The following ARHGAP12 variants were observed in gnomAD, a reference collection of about 807,000 sequenced individuals.
ARHGAP12 encodes the protein rho GTPase-activating protein 12.
Under a neutral mutation model 108.6 loss-of-function variants are expected in ARHGAP12, and 64 were observed. The observed-to-expected ratio is 0.59, with a 90% CI of 0.48 to 0.73. ARHGAP12 has a LOEUF of 0.73. Among genes scored for constraint, ARHGAP12 ranks in the 30% least tolerant of loss-of-function variants. ARHGAP12 has a pLI of 0.00. For synonymous variants in ARHGAP12, 312 were observed against 337.2 expected (o/e 0.93, Z 0.82); for missense variants, 940 against 1,005.9 (o/e 0.93, Z 0.89).
At chr10:31,868,754 C>T (rs898699681) in intron 3 of ARHGAP12, among the ~76,000 whole-genome samples, 3 of 151,752 alleles carry the variant, frequency 2.0e-5, no homozygotes, top group Non-Finnish European at 2.9e-5. Flanking sequence ...TGGGCAACAC[C>T]GAGACCCTGT....
chr10:31,879,717 A>G (rs1280247947), intron 3 of ARHGAP12, among the ~76,000 whole-genome samples: 1 of 152,204 alleles, frequency 6.6e-6, no homozygotes, highest in Non-Finnish European at 1.5e-5. Flanking sequence ...AAAAAAAGAC[A>G]ATACTATATA....
intron 3 of ARHGAP12, among the ~76,000 whole-genome samples, chr10:31,888,411 AAT>A: frequency 6.6e-6 from 1 of 152,360 alleles, no homozygotes; most frequent in African/African-American, 2.4e-5. Context: ...GGAAAGAAAA[AAT>A]AGATACTCTA....
chr10:31,870,079 T>C (rs1365432142), intron 3 of ARHGAP12, among the ~76,000 whole-genome samples: 1 of 152,176 alleles, frequency 6.6e-6, no homozygotes, highest in Non-Finnish European at 1.5e-5. Context: ...AAAAAAACAT[T>C]TACCACAAAT....
chr10:31,889,618 CGTTTTT>C (rs1838332436), intron 3 of ARHGAP12, among the ~76,000 whole-genome samples: 1 of 101,534 alleles, frequency 9.8e-6, no homozygotes, highest in African/African-American at 3.7e-5. Flanking sequence ...TAATTTTTCT[CGTTTTT>C]TTTTTTTTTT....
At chr10:31,830,184 G>GCT (rs1835780632) in intron 10 of ARHGAP12, among the ~76,000 whole-genome samples, 1 of 152,004 alleles carries the variant, frequency 6.6e-6, no homozygotes, top group Admixed American at 6.5e-5. Flanking sequence ...TAAGGTTATA[G>GCT]AGAGTAGACC....
intron 14 of ARHGAP12, among the ~76,000 whole-genome samples, 160 bp downstream of exon 14, chr10:31,814,099 G>C (rs1038154275): frequency 6.6e-6 from 1 of 152,154 alleles, no homozygotes; most frequent in Non-Finnish European, 1.5e-5. Flanking sequence ...GAGTTAACAA[G>C]AAGAAAGAGC....
At chr10:31,861,293 A>G in intron 4 of ARHGAP12, 102 bp downstream of exon 4, 1 of 1,369,350 alleles carries the variant, frequency 7.3e-7, no homozygotes. Flanking sequence ...CACGTGTTTT[A>G]ACATGCTGAC....
At chr10:31,829,291 C>CA (rs1465692589) in intron 10 of ARHGAP12, among the ~76,000 whole-genome samples, 2 of 152,014 alleles carry the variant, frequency 1.3e-5, no homozygotes, top group Non-Finnish European at 1.5e-5. Context: ...CTAAGGTAGT[C>CA]AAAATCACAG....
chr10:31,923,288 A>G (rs573894827), intron 1 of ARHGAP12, among the ~76,000 whole-genome samples: 1 of 152,332 alleles, frequency 6.6e-6, no homozygotes, highest in South Asian at 2.1e-4. Flanking sequence ...CACACATCTC[A>G]CAGAATGGCT....
intron 1 of ARHGAP12, among the ~76,000 whole-genome samples, chr10:31,927,593 C>A (rs548868794): frequency 6.6e-6 from 1 of 152,200 alleles, no homozygotes; most frequent in Non-Finnish European, 1.5e-5. Flanking sequence ...CCAGCCACAA[C>A]CAATCGTGTT....
intron 1 of ARHGAP12, among the ~76,000 whole-genome samples, chr10:31,925,501 C>T (rs1395281880): frequency 1.3e-5 from 2 of 152,198 alleles, no homozygotes; most frequent in African/African-American, 4.8e-5. Context: ...TGACACATAA[C>T]AATTTCCACA....
chr10:31,893,355 T>C (rs183683553), intron 3 of ARHGAP12, among the ~76,000 whole-genome samples: 1 of 152,134 alleles, frequency 6.6e-6, no homozygotes, highest in Admixed American at 6.5e-5. Flanking sequence ...CTAGCAAGAC[T>C]AATGAAGAAC....
rs949678691 is a variant in ARHGAP12, at chr10:31,897,549, T to C, written c.684+10623A>G. 5.3e-5 allele frequency among the ~76,000 whole-genome samples: 8 copies of C among 152,186 alleles called. No individual in the cohort carries two copies. In the East Asian group the frequency reaches 1.4e-3, roughly 26 times the overall value. ...AAATCTTAGATACTTAGTATCTAAG[T>C]AGATACTAAGGAAAATCTCTTAGAG... On this transcript the variant is annotated intron_variant, in intron 3 of 19. Coordinates refer to ENST00000344936, the MANE Select transcript of ARHGAP12 (RefSeq NM_018287.7).
intron 6 of ARHGAP12, among the ~76,000 whole-genome samples, chr10:31,851,128 C>A (rs1036172848): frequency 3.9e-5 from 6 of 152,018 alleles, no homozygotes; most frequent in African/African-American, 1.4e-4. Context: ...TAAAAATTAT[C>A]TTCACTAATA....
At chr10:31,842,699 G>A (rs1222962319) in intron 7 of ARHGAP12, among the ~76,000 whole-genome samples, 2 of 151,960 alleles carry the variant, frequency 1.3e-5, no homozygotes, top group Admixed American at 6.5e-5. Flanking sequence ...CTGTTTTCAT[G>A]AACACACCTA....
At chr10:31,821,922 A>G (rs1835431065) in intron 11 of ARHGAP12, among the ~76,000 whole-genome samples, 1 of 152,232 alleles carries the variant, frequency 6.6e-6, no homozygotes, top group East Asian at 1.9e-4. Context: ...AAATGTTACC[A>G]AACTTGAACA....
chr10:31,923,142 A>AAAAC lies in ARHGAP12; in HGVS notation c.-111+5540_-111+5541insGTTT, dbSNP rs1554792922. Among the ~76,000 whole-genome samples, 8 of 151,768 alleles carry AAAAC rather than the reference A, an allele frequency of 5.3e-5. No individual in the cohort carries two copies. In the South Asian group the frequency reaches 8.3e-4, roughly 16 times the overall value. On this transcript the variant is annotated intron_variant, in intron 1 of 19. Transcript: ENST00000344936. ...GCAAGACCCTAACAGGAAAAAAAAA[A>AAAAC]AAAAAAAAAACAGGCAAAATATTTA...
At chr10:31,816,391 A>T (rs1835207589) in intron 13 of ARHGAP12, among the ~76,000 whole-genome samples, 1 of 152,090 alleles carries the variant, frequency 6.6e-6, no homozygotes, top group Non-Finnish European at 1.5e-5. Context: ...CACTCATCAC[A>T]TTTCATTTTA....
intron 6 of ARHGAP12, among the ~76,000 whole-genome samples, chr10:31,852,169 T>C (rs1836706317): frequency 6.6e-6 from 1 of 152,150 alleles, no homozygotes; most frequent in Non-Finnish European, 1.5e-5. Context: ...CAAAAAATGA[T>C]TAAATATAAG....
Sources: gnomAD v4.1 joint callset for allele counts (sites outside exome capture counted in the v4.1 genomes callset) on GRCh38, gnomAD v4.1.1 for gene constraint, MANE v1.5 for transcripts, NCBI Gene and HGNC (gene_info 2026-07-23, HGNC 2026-07-21) for gene names.